The following TENM1 variants were observed in gnomAD, a reference collection of about 807,000 sequenced individuals.
TENM1 encodes the protein teneurin transmembrane protein 1, also known as teneurin-1.
Under a neutral mutation model 174.8 loss-of-function variants are expected in TENM1, and 35 were observed. The ratio of observed to expected loss-of-function variants is 0.20; its 90% CI spans 0.15 to 0.27. The LOEUF (loss-of-function observed/expected upper bound fraction) is 0.27, where lower values mean the gene tolerates loss of function less well. Among genes scored for constraint, TENM1 ranks in the 10% least tolerant of loss-of-function variants. TENM1 has a pLI of 1.00. For missense variants in TENM1, 1,633 were observed against 2,130.1 expected (o/e 0.77, Z 4.59); for synonymous variants, 781 against 798.7 (o/e 0.98, Z 0.37).
chrX:124,965,177 A>C, upstream of TENM1, among the ~76,000 whole-genome samples: 1 of 111,394 alleles, frequency 9.0e-6, no homozygotes, highest in Non-Finnish European at 1.9e-5. Flanking sequence ...TCCCGGGTTC[A>C]CGCCATTCTT....
At chrX:124,887,661 G>A (rs752420230) in intron 3 of TENM1, among the ~76,000 whole-genome samples, 14 of 111,230 alleles carry the variant, frequency 1.3e-4, no homozygotes, top group Non-Finnish European at 2.3e-4. Context: ...GAATATCACA[G>A]TCACCACAGA....
the TENM1 span, among the ~76,000 whole-genome samples, chrX:125,045,573 A>T: frequency 9.0e-6 from 1 of 111,519 alleles, no homozygotes. Context: ...ACCTGTGGCT[A>T]TAGACGATCT....
intron 3 of TENM1, among the ~76,000 whole-genome samples, chrX:124,865,484 C>T (rs1372798940): frequency 9.0e-6 from 1 of 111,174 alleles, no homozygotes; most frequent in Non-Finnish European, 1.9e-5. Flanking sequence ...ATTTGCAAGC[C>T]TCATAGTAAC....
At position 124,441,048 on chromosome X, in the gene TENM1, C is replaced by T. The variant is rs181792623; in HGVS notation, c.4104+12289G>A. On this transcript the variant is annotated intron_variant, in intron 23 of 31. Transcript: ENST00000422452. ...CAAGTGCCTTTCAAAAAAGAAACTTCCTTCATGTGTGTTTTCTCATTTAAC... is the reference window on the plus strand; with the variant it reads ...CAAGTGCCTTTCAAAAAAGAAACTTTCTTCATGTGTGTTTTCTCATTTAAC... Among the ~76,000 whole-genome samples, 330 of 112,279 alleles carry T rather than the reference C, an allele frequency of 2.9e-3. 2 individuals carry two copies. The highest frequency in any genetic ancestry group is 1.0e-2 in the African/African-American group (308 of 30,942).
At chrX:125,196,013 C>CGAACGAAGGAAGGAAG in the TENM1 span, among the ~76,000 whole-genome samples, 37 of 90,726 alleles carry the variant, frequency 4.1e-4, no homozygotes, top group African/African-American at 1.6e-3. Flanking sequence ...AAAGAAGGAA[C>CGAACGAAGGAAGGAAG]GAAGGAAGGA....
chrX:125,005,431 G>A, the TENM1 span, among the ~76,000 whole-genome samples: 6 of 108,523 alleles, frequency 5.5e-5, no homozygotes, highest in South Asian at 2.5e-3. Context: ...GTGTGTGTGT[G>A]TGTGTGTGTG....
At chrX:124,993,005 C>T in the TENM1 span, among the ~76,000 whole-genome samples, 1 of 111,128 alleles carries the variant, frequency 9.0e-6, no homozygotes, top group South Asian at 3.9e-4. Context: ...GGCTTTGATT[C>T]AGTGCTATAG....
intron 1 of TENM1, among the ~76,000 whole-genome samples, chrX:124,943,660 T>A (rs754019472): frequency 1.8e-4 from 20 of 111,994 alleles, no homozygotes; most frequent in Non-Finnish European, 1.1e-4. Flanking sequence ...TATTTAAGGA[T>A]CACTGGGGAT....
At chrX:124,798,125 T>G (rs1164423819) in intron 3 of TENM1, among the ~76,000 whole-genome samples, 2 of 112,144 alleles carry the variant, frequency 1.8e-5, no homozygotes, top group Non-Finnish European at 3.8e-5. Flanking sequence ...AAGTCTTTGC[T>G]ATTGTGAACA....
chrX:124,682,936 A>G (rs1235619590), intron 5 of TENM1, among the ~76,000 whole-genome samples: 7 of 111,755 alleles, frequency 6.3e-5, no homozygotes, highest in Non-Finnish European at 1.3e-4. Flanking sequence ...TGAAGTGTCA[A>G]ATGCAGTTAA....
At chrX:125,117,592 C>T in the TENM1 span, among the ~76,000 whole-genome samples, 6 of 110,810 alleles carry the variant, frequency 5.4e-5, no homozygotes, top group Admixed American at 4.8e-4. Context: ...AGGGGAAATA[C>T]GTAATGCAGA....
the TENM1 span, among the ~76,000 whole-genome samples, chrX:124,981,524 T>C: frequency 1.8e-5 from 2 of 112,007 alleles, no homozygotes; most frequent in African/African-American, 6.5e-5. Flanking sequence ...GTATGTTTCA[T>C]GCCAGCTTTT....
At chrX:124,561,680 T>C (rs1281306957) in exon 14 of TENM1, 2 of 1,211,066 alleles carry the variant, frequency 1.7e-6, no homozygotes, top group African/African-American at 1.7e-5. Context: ...CCTCCATCAT[T>C]GTCCAAGTTA....
chrX:125,039,203 C>T, the TENM1 span, among the ~76,000 whole-genome samples: 1 of 111,887 alleles, frequency 8.9e-6, no homozygotes, highest in Non-Finnish European at 1.9e-5. Context: ...TATAGCCAAG[C>T]TCTTATCAGT....
At chrX:124,640,289 T>C (rs190862790) in intron 11 of TENM1, among the ~76,000 whole-genome samples, 3 of 111,684 alleles carry the variant, frequency 2.7e-5, no homozygotes, top group Non-Finnish European at 5.6e-5. Flanking sequence ...TTCAGTGAAG[T>C]ATTGTTAGAA....
intron 3 of TENM1, among the ~76,000 whole-genome samples, chrX:124,892,215 GT>G (rs1272170850): frequency 1.8e-5 from 2 of 111,505 alleles, no homozygotes; most frequent in Non-Finnish European, 3.8e-5. Flanking sequence ...ATGATGAAGG[GT>G]TTACTTAGGA....
At chrX:124,716,196 G>A (rs1451202474) in intron 4 of TENM1, among the ~76,000 whole-genome samples, 1 of 111,836 alleles carries the variant, frequency 8.9e-6, no homozygotes, top group Non-Finnish European at 1.9e-5. Context: ...AGAACAAGCT[G>A]GCAAAACACA....
chrX:125,039,165 C>T, the TENM1 span, among the ~76,000 whole-genome samples: 15 of 111,929 alleles, frequency 1.3e-4, no homozygotes, highest in South Asian at 5.5e-3. Flanking sequence ...CATTATCTTG[C>T]TCTTGACTGT....
the TENM1 span, among the ~76,000 whole-genome samples, chrX:125,186,637 A>C: frequency 9.1e-6 from 1 of 109,452 alleles, no homozygotes; most frequent in African/African-American, 3.3e-5. Context: ...TAATCTCTGA[A>C]TATGCTGGCT....
Sources: allele counts gnomAD v4.1 joint callset (sites outside exome capture counted in the v4.1 genomes callset), GRCh38; gene constraint gnomAD v4.1.1; transcripts MANE v1.5; gene names NCBI Gene and HGNC (gene_info 2026-07-23, HGNC 2026-07-21).